NELL1: variants seen among roughly 807,000 people sequenced by gnomAD.
NELL1 encodes neural EGFL like 1.
NELL1 carries 76 observed loss-of-function variants against 107.4 expected under a neutral mutation model. That is an observed-to-expected ratio of 0.71 (90% CI 0.59 to 0.86). The LOEUF is 0.86. Among genes scored for constraint, NELL1 ranks in the 40% least tolerant of loss-of-function variants. The pLI is 0.00. For synonymous variants in NELL1, 353 were observed against 341.2 expected, an observed-to-expected ratio of 1.03 and a Z score of -0.38; for missense variants, 1,024 against 1,005.5, an observed-to-expected ratio of 1.02 and a Z score of -0.25.
chr11:20,879,297 G>T (rs1005375684), intron 4 of NELL1, among the ~76,000 whole-genome samples: 1 of 152,100 alleles, frequency 6.6e-6, no homozygotes, highest in Non-Finnish European at 1.5e-5. Flanking sequence ...AAATGGGGAG[G>T]TTCTGAGAGA....
intron 12 of NELL1, among the ~76,000 whole-genome samples, chr11:21,097,406 A>G (rs1486259118): frequency 6.6e-6 from 1 of 152,208 alleles, no homozygotes; most frequent in Non-Finnish European, 1.5e-5. Flanking sequence ...AACAAAGGAC[A>G]CCAGGGGGTT....
At chr11:20,922,448 G>T (rs16907036) in intron 7 of NELL1, among the ~76,000 whole-genome samples, 6,410 of 152,102 alleles carry the variant, frequency 0.042, 197 homozygotes, top group East Asian at 0.099. Context: ...TCTTGGTGGA[G>T]GCGAAAATGT....
intron 15 of NELL1, among the ~76,000 whole-genome samples, chr11:21,468,117 T>C (rs1194562275): frequency 6.6e-6 from 1 of 152,076 alleles, no homozygotes; most frequent in Non-Finnish European, 1.5e-5. Flanking sequence ...ATTTTAATTA[T>C]AAAATTCACC....
intron 15 of NELL1, among the ~76,000 whole-genome samples, chr11:21,522,186 A>G (rs1001477607): frequency 1.3e-5 from 2 of 151,150 alleles, no homozygotes; most frequent in Non-Finnish European, 2.9e-5. Flanking sequence ...GTGAGCCAAG[A>G]TGGTGCCACT....
At chr11:21,420,398 T>A (rs1444106155) in intron 15 of NELL1, among the ~76,000 whole-genome samples, 1 of 151,998 alleles carries the variant, frequency 6.6e-6, no homozygotes, top group Non-Finnish European at 1.5e-5. Context: ...GATGTAAATG[T>A]ACAAATATGA....
intron 12 of NELL1, among the ~76,000 whole-genome samples, chr11:20,967,714 T>C (rs2134224638): frequency 6.6e-6 from 1 of 152,312 alleles, no homozygotes. Context: ...GTGATCCCAG[T>C]AGCATCCACT....
intron 2 of NELL1, among the ~76,000 whole-genome samples, chr11:20,736,232 G>A (rs560712506): frequency 5.3e-5 from 8 of 152,246 alleles, no homozygotes; most frequent in African/African-American, 1.9e-4. Flanking sequence ...ATTGGCTAGA[G>A]CATGCCTTCT....
At chr11:20,936,471 A>C (rs948514496) in intron 9 of NELL1, among the ~76,000 whole-genome samples, 1 of 152,134 alleles carries the variant, frequency 6.6e-6, no homozygotes, top group African/African-American at 2.4e-5. Context: ...AATGGACTAG[A>C]TGACTACTGT....
chr11:20,801,660 T>A (rs1857283617), intron 3 of NELL1, among the ~76,000 whole-genome samples: 1 of 152,214 alleles, frequency 6.6e-6, no homozygotes, highest in South Asian at 2.1e-4. Flanking sequence ...CTCAGTCTAA[T>A]GTCCCTAGAG....
chr11:21,232,918 G>A (rs1211641609), intron 14 of NELL1, among the ~76,000 whole-genome samples: 13 of 152,152 alleles, frequency 8.5e-5, no homozygotes, highest in Admixed American at 8.5e-4. Flanking sequence ...CTCCCAAACG[G>A]CTGGGATTCC....
At chr11:21,317,853 A>G (rs960552892) in intron 14 of NELL1, among the ~76,000 whole-genome samples, 1 of 152,182 alleles carries the variant, frequency 6.6e-6, no homozygotes, top group Non-Finnish European at 1.5e-5. Context: ...AAAAGATTAG[A>G]TCATTTGATT....
chr11:21,451,155 C>T (rs1301845390), intron 15 of NELL1, among the ~76,000 whole-genome samples: 2 of 143,670 alleles, frequency 1.4e-5, no homozygotes, highest in African/African-American at 2.6e-5. Context: ...CCGCTGCACT[C>T]CAGCCTGGGC....
At chr11:21,542,534 C>T (rs2133980016) in intron 16 of NELL1, among the ~76,000 whole-genome samples, 1 of 152,120 alleles carries the variant, frequency 6.6e-6, no homozygotes, top group African/African-American at 2.4e-5. Flanking sequence ...TGGGGCCATC[C>T]TTCTGAGCGA....
chr11:21,046,422 A>G (rs1329259513), intron 12 of NELL1, among the ~76,000 whole-genome samples: 2 of 152,132 alleles, frequency 1.3e-5, no homozygotes, highest in African/African-American at 4.8e-5. Context: ...GCATGCCTCA[A>G]CTATAATGTG....
chr11:21,524,881 G>A (rs1480155089), intron 15 of NELL1, among the ~76,000 whole-genome samples: 1 of 152,176 alleles, frequency 6.6e-6, no homozygotes, highest in Non-Finnish European at 1.5e-5. Context: ...TATGAGGAAT[G>A]ACAGTGAGGA....
At chr11:21,405,010 A>G (rs1177971004) in intron 15 of NELL1, among the ~76,000 whole-genome samples, 1 of 152,044 alleles carries the variant, frequency 6.6e-6, no homozygotes, top group African/African-American at 2.4e-5. Context: ...CATATCTGTA[A>G]TAAAGGCAAG....
chr11:20,831,727 C>G (rs950070882), intron 3 of NELL1, among the ~76,000 whole-genome samples: 4 of 152,138 alleles, frequency 2.6e-5, no homozygotes, highest in African/African-American at 9.7e-5. Flanking sequence ...ATAAATGATT[C>G]TAAAATCAAT....
At chr11:21,119,209 C>G (rs1466125960) in intron 13 of NELL1, among the ~76,000 whole-genome samples, 1 of 151,874 alleles carries the variant, frequency 6.6e-6, no homozygotes, top group Non-Finnish European at 1.5e-5. Context: ...TACTACTTGA[C>G]AAGTTTTAAA....
At chr11:21,023,389 CTCTAT>C (rs1195893683) in intron 12 of NELL1, among the ~76,000 whole-genome samples, 16 of 151,972 alleles carry the variant, frequency 1.1e-4, no homozygotes. Flanking sequence ...CCAGCCACAG[CTCTAT>C]TATCTCTCCA....
Sources: allele counts gnomAD v4.1 joint callset (sites outside exome capture counted in the v4.1 genomes callset), GRCh38; gene constraint gnomAD v4.1.1; transcripts MANE v1.5; gene names NCBI Gene and HGNC (gene_info 2026-07-23, HGNC 2026-07-21).